THSD7B: variants seen among roughly 807,000 people sequenced by gnomAD.
THSD7B encodes thrombospondin type-1 domain-containing protein 7B.
In THSD7B, 138 loss-of-function variants were observed where a neutral mutation model predicts 213.6. The observed-to-expected ratio is 0.65, with a 90% CI of 0.56 to 0.74. THSD7B has a LOEUF of 0.74. THSD7B is among the 30% of genes least tolerant of loss of function. THSD7B has a pLI of 0.00. For missense variants in THSD7B, 1,931 were observed against 1,991.5 expected (o/e 0.97, Z 0.58); for synonymous variants, 742 against 687.0 (o/e 1.08, Z -1.25).
chr2:137,634,779 T>A (rs1682802762), intron 20 of THSD7B, among the ~76,000 whole-genome samples: 1 of 152,192 alleles, frequency 6.6e-6, no homozygotes, highest in Non-Finnish European at 1.5e-5. Context: ...TTTTGAGATT[T>A]GTTTGAATTG....
intron 5 of THSD7B, among the ~76,000 whole-genome samples, chr2:137,147,995 G>A (rs1232202560): frequency 1.3e-5 from 2 of 151,996 alleles, no homozygotes; most frequent in Non-Finnish European, 2.9e-5. Context: ...AGTGATGTTA[G>A]GTGCTTGATA....
intron 16 of THSD7B, among the ~76,000 whole-genome samples, chr2:137,569,970 G>A (rs1212115465): frequency 4.0e-5 from 6 of 151,832 alleles, no homozygotes; most frequent in African/African-American, 1.4e-4. Context: ...AGCAGATAGT[G>A]TGCAGGCAGG....
intron 22 of THSD7B, 101 bp downstream of exon 22, chr2:137,655,761 T>C: frequency 7.8e-7 from 1 of 1,284,742 alleles, no homozygotes; most frequent in Non-Finnish European, 1.0e-6. Flanking sequence ...AATTAAAGTT[T>C]TTAAATAACT....
intron 12 of THSD7B, among the ~76,000 whole-genome samples, chr2:137,293,847 T>A (rs945153821): frequency 2.6e-5 from 4 of 152,188 alleles, no homozygotes; most frequent in Admixed American, 1.3e-4. Flanking sequence ...TCTAAATGAT[T>A]ATTCCAACAT....
chr2:137,538,885 T>G (rs149669909), intron 15 of THSD7B, among the ~76,000 whole-genome samples: 3 of 151,784 alleles, frequency 2.0e-5, no homozygotes, highest in African/African-American at 7.2e-5. Flanking sequence ...ATTGCCATGG[T>G]TAATATAGCT....
intron 14 of THSD7B, among the ~76,000 whole-genome samples, chr2:137,415,463 G>T (rs1686773210): frequency 6.6e-6 from 1 of 152,036 alleles, no homozygotes; most frequent in Non-Finnish European, 1.5e-5. Flanking sequence ...CTTTAAAATG[G>T]AGTTTGTCTC....
intron 1 of THSD7B, among the ~76,000 whole-genome samples, chr2:136,873,043 A>AAG (rs1394453555): frequency 6.6e-5 from 10 of 150,548 alleles, no homozygotes; most frequent in East Asian, 1.9e-4. Flanking sequence ...AAAAAAAAAA[A>AAG]AAGAAGAAAG....
chr2:137,531,439 G>A (rs1680395483), intron 15 of THSD7B, among the ~76,000 whole-genome samples: 1 of 151,830 alleles, frequency 6.6e-6, no homozygotes, highest in African/African-American at 2.4e-5. Flanking sequence ...CTGTTAGTTT[G>A]AAATTCAGTT....
intron 12 of THSD7B, among the ~76,000 whole-genome samples, chr2:137,311,345 A>C (rs2104861634): frequency 6.6e-6 from 1 of 152,082 alleles, no homozygotes; most frequent in South Asian, 2.1e-4. Context: ...TGATTTTTGT[A>C]CATTGATTTT....
At chr2:137,128,752 C>G (rs1688672166) in intron 5 of THSD7B, among the ~76,000 whole-genome samples, 1 of 152,316 alleles carries the variant, frequency 6.6e-6, no homozygotes, top group East Asian at 1.9e-4. Flanking sequence ...TGTACCTTCT[C>G]TACTAACTTA....
intron 3 of THSD7B, among the ~76,000 whole-genome samples, chr2:137,072,039 C>T (rs1328385666): frequency 1.3e-4 from 20 of 152,112 alleles, no homozygotes; most frequent in African/African-American, 3.9e-4. Flanking sequence ...AGTCAGGTAG[C>T]GTGATGCCTC....
chr2:137,160,411 C>T, intron 6 of THSD7B, 43 bp downstream of exon 6: 1 of 1,600,060 alleles, frequency 6.2e-7, no homozygotes, highest in East Asian at 2.2e-5. Flanking sequence ...TGTCAGCGTA[C>T]AAACATTTAT....
chr2:137,644,008 T>C (rs572610249), intron 21 of THSD7B, among the ~76,000 whole-genome samples: 1 of 152,318 alleles, frequency 6.6e-6, no homozygotes, highest in Admixed American at 6.5e-5. Flanking sequence ...TGCTGTCAAA[T>C]GTTGAGCTTT....
chr2:137,212,435 T>C (rs1437752624), intron 7 of THSD7B, among the ~76,000 whole-genome samples: 1 of 152,092 alleles, frequency 6.6e-6, no homozygotes, highest in African/African-American at 2.4e-5. Context: ...TGGGAATGCT[T>C]GAAAATTATT....
Position 136,890,304 on chromosome 2 carries a change from CTTCTTCTTCT to C in THSD7B, c.139+7989_139+7998del, listed in dbSNP as rs1683795946. Reference sequence around the variant, plus strand: ...GCTCATTCATGTCCATGTCCTACTCCTTCTTCTTCTTCTTCTTCTTCTTCTTCTTCTTCTT... The same window carrying C: ...GCTCATTCATGTCCATGTCCTACTCCTCTTCTTCTTCTTCTTCTTCTTCTT... On this transcript the variant is annotated intron_variant, in intron 2 of 27. Transcript: ENST00000409968. Among the ~76,000 whole-genome samples the C allele has an allele frequency of 2.8e-4, 3 of 10,732 alleles. 1 individual carries two copies. Among genetic ancestry groups the C allele is most frequent in the African/African-American group, 6.4e-4 (3 of 4,672 alleles). The allele number at this position is 10,732 out of a possible 152,430, so 7.0% of individuals were successfully genotyped here.
chr2:137,429,447 G>T (rs934615788), intron 14 of THSD7B, among the ~76,000 whole-genome samples: 2 of 152,080 alleles, frequency 1.3e-5, no homozygotes, highest in African/African-American at 4.8e-5. Context: ...TTATTTATGT[G>T]TGTGTATATG....
At chr2:137,459,327 A>G (rs1483783490) in intron 15 of THSD7B, among the ~76,000 whole-genome samples, 1 of 152,190 alleles carries the variant, frequency 6.6e-6, no homozygotes, top group Non-Finnish European at 1.5e-5. Flanking sequence ...CTGCAGAAAA[A>G]CATTTGTTAA....
At chr2:137,021,781 G>A (rs1047076534) in intron 2 of THSD7B, among the ~76,000 whole-genome samples, 2 of 152,022 alleles carry the variant, frequency 1.3e-5, no homozygotes, top group African/African-American at 4.8e-5. Flanking sequence ...CCACTAATCC[G>A]TTCTTTATTT....
intron 17 of THSD7B, among the ~76,000 whole-genome samples, chr2:137,587,349 A>T (rs1681757289): frequency 6.6e-6 from 1 of 152,140 alleles, no homozygotes; most frequent in South Asian, 2.1e-4. Flanking sequence ...CAAAGTTATT[A>T]TCCATCTAGC....
Sources: allele counts gnomAD v4.1 joint callset (sites outside exome capture counted in the v4.1 genomes callset), GRCh38; gene constraint gnomAD v4.1.1; transcripts MANE v1.5; gene names NCBI Gene and HGNC (gene_info 2026-07-23, HGNC 2026-07-21).